The following ANXA4 variants were observed in gnomAD, a reference collection of about 807,000 sequenced individuals.
ANXA4 encodes the protein 35-beta calcimedin.
ANXA4 carries 39 observed loss-of-function variants against 49.8 expected under a neutral mutation model. The ratio of observed to expected loss-of-function variants is 0.78; its 90% CI spans 0.61 to 1.02. The LOEUF is 1.02. Among genes scored for constraint, ANXA4 ranks in the 50% least tolerant of loss-of-function variants. ANXA4 has a pLI of 0.00. For synonymous variants in ANXA4, 134 were observed against 152.5 expected (o/e 0.88, Z 0.89); for missense variants, 360 against 410.1 (o/e 0.88, Z 1.05).
chr2:69,721,762 G>A (rs890212157), intron 3 of ANXA4, among the ~76,000 whole-genome samples: 1 of 151,982 alleles, frequency 6.6e-6, no homozygotes, highest in South Asian at 2.1e-4. Flanking sequence ...TAGACAATAA[G>A]GACAAATCAA....
intron 1 of ANXA4, among the ~76,000 whole-genome samples, chr2:69,760,659 T>C (rs911756657): frequency 1.3e-5 from 2 of 152,216 alleles, no homozygotes; most frequent in African/African-American, 4.8e-5. Flanking sequence ...GTGCATATTA[T>C]GTTTTTCTTT....
At position 69,709,855 on chromosome 2, in the gene ANXA4, C is replaced by A. The variant is rs188622061; in HGVS notation, n.767-10919C>A. On this transcript the variant is annotated intron_variant and non_coding_transcript_variant, in intron 2 of 3. Transcript: ENST00000418066. ...TTCAACCATTTAATTATTTATGACACTTTCCCCCTTTTTAACTAAAGCATG... is the reference window on the plus strand; with the variant it reads ...TTCAACCATTTAATTATTTATGACAATTTCCCCCTTTTTAACTAAAGCATG... Among the ~76,000 whole-genome samples the A allele has an allele frequency of 7.2e-5, 11 of 152,316 alleles. No homozygotes were observed. In the East Asian group the frequency reaches 2.1e-3, roughly 29 times the overall value.
chr2:69,821,375 C>T (rs903105252), intron 12 of ANXA4, among the ~76,000 whole-genome samples: 2 of 152,198 alleles, frequency 1.3e-5, no homozygotes, highest in African/African-American at 4.8e-5. Context: ...CTAAGGTTGC[C>T]TGCACTGCAA....
intron 11 of ANXA4, among the ~76,000 whole-genome samples, chr2:69,819,800 G>T (rs1205272077): frequency 1.3e-5 from 2 of 152,122 alleles, no homozygotes; most frequent in African/African-American, 4.8e-5. Context: ...AGGTGCGGTG[G>T]CTCACGCCTG....
intron 2 of ANXA4, among the ~76,000 whole-genome samples, chr2:69,782,334 T>A (rs964657884): frequency 1.3e-5 from 2 of 152,178 alleles, no homozygotes; most frequent in African/African-American, 4.8e-5. Flanking sequence ...TAAAGTAAAC[T>A]ATCCTGAACA....
chr2:69,777,305 C>T (rs559694290), intron 1 of ANXA4, among the ~76,000 whole-genome samples: 181 of 152,268 alleles, frequency 1.2e-3, no homozygotes, highest in African/African-American at 4.0e-3. Context: ...ATCTCCAGCC[C>T]TTCTCTCCTC....
At chr2:69,712,706 C>G (rs1192869903) in intron 2 of ANXA4, among the ~76,000 whole-genome samples, 1 of 152,170 alleles carries the variant, frequency 6.6e-6, no homozygotes, top group Non-Finnish European at 1.5e-5. Context: ...TACCCACTCC[C>G]TCGTAAAGAA....
intron 1 of ANXA4, among the ~76,000 whole-genome samples, chr2:69,747,821 G>T (rs72903064): frequency 0.05 from 7,597 of 151,990 alleles, 634 homozygotes; most frequent in African/African-American, 0.17. Flanking sequence ...GAGTAGCTGG[G>T]ACTACAGGCA....
chr2:69,646,112 C>T (rs949208407), intron 1 of ANXA4, among the ~76,000 whole-genome samples: 11 of 152,272 alleles, frequency 7.2e-5, no homozygotes, highest in African/African-American at 2.6e-4. Context: ...CAGGAAACCT[C>T]TTGCCACTTC....
At chr2:69,792,639 A>G (rs1188937900) in intron 3 of ANXA4, among the ~76,000 whole-genome samples, 1 of 151,962 alleles carries the variant, frequency 6.6e-6, no homozygotes, top group East Asian at 1.9e-4. Context: ...TAAACCTTCT[A>G]CTTTAAGACA....
chr2:69,751,705 AG>A (rs1305430366), intron 1 of ANXA4, among the ~76,000 whole-genome samples: 1 of 152,076 alleles, frequency 6.6e-6, no homozygotes, highest in Non-Finnish European at 1.5e-5. Context: ...TGGAGAGCAG[AG>A]GCTGAATCAG....
At chr2:69,768,387 C>T (rs1209797692) in intron 1 of ANXA4, among the ~76,000 whole-genome samples, 1 of 152,056 alleles carries the variant, frequency 6.6e-6, no homozygotes, top group Non-Finnish European at 1.5e-5. Flanking sequence ...GAGCGCAGGG[C>T]CAGAGAGAGG....
At chr2:69,750,359 A>G (rs1670788465) in intron 1 of ANXA4, among the ~76,000 whole-genome samples, 1 of 152,180 alleles carries the variant, frequency 6.6e-6, no homozygotes, top group Non-Finnish European at 1.5e-5. Flanking sequence ...TGGTTCCAAA[A>G]GAATGTAAAG....
intron 9 of ANXA4, 187 bp from the exon 10 acceptor site, chr2:69,818,412 C>T (rs979265138): frequency 2.6e-6 from 1 of 382,422 alleles, no homozygotes; most frequent in Non-Finnish European, 4.8e-6. Flanking sequence ...ATTTCTTCCT[C>T]CTTATCTGGG....
intron 2 of ANXA4, among the ~76,000 whole-genome samples, chr2:69,670,438 C>CAAAAAAAAA (rs748196181): frequency 6.7e-5 from 3 of 44,774 alleles, no homozygotes; most frequent in African/African-American, 8.0e-5. Flanking sequence ...GACTCAATCT[C>CAAAAAAAAA]AAAAAAAAAA....
Position 69,816,064 on chromosome 2 carries a change from T to C in ANXA4, c.535-37T>C, listed in dbSNP as rs369662465. The C allele has an allele frequency of 9.6e-6, 15 of 1,559,874 alleles. No homozygotes were observed. The African/African-American group carries it at 1.8e-4, about 18-fold the overall frequency. Reference sequence around the variant, plus strand: ...ATTTGCCTGTGTCCTGGCACATCGTTTTTGGAATTTTAGACCTGTGCTTTG... The same window carrying C: ...ATTTGCCTGTGTCCTGGCACATCGTCTTTGGAATTTTAGACCTGTGCTTTG... On this transcript the variant is annotated intron_variant, in intron 8 of 12. Coordinates refer to ENST00000394295, the MANE Select transcript of ANXA4 (RefSeq NM_001153.5).
chr2:69,709,634 G>A (rs1678612892), intron 2 of ANXA4, among the ~76,000 whole-genome samples: 1 of 152,144 alleles, frequency 6.6e-6, no homozygotes, highest in African/African-American at 2.4e-5. Flanking sequence ...AAATCTACAT[G>A]GCAACCTCGC....
chr2:69,815,450 G>A (rs937421559), intron 8 of ANXA4: 6 of 152,192 alleles, frequency 3.9e-5, no homozygotes, highest in African/African-American at 1.4e-4. Context: ...CAGGCAAGCT[G>A]CTTATTAAAA....
At chr2:69,802,092 G>A (rs1573288172) in intron 3 of ANXA4, among the ~76,000 whole-genome samples, 2 of 152,220 alleles carry the variant, frequency 1.3e-5, no homozygotes, top group East Asian at 3.8e-4. Context: ...ATGGGATACT[G>A]TAGAGAGTCT....
Sources: allele counts gnomAD v4.1 joint callset (sites outside exome capture counted in the v4.1 genomes callset), GRCh38; gene constraint gnomAD v4.1.1; transcripts MANE v1.5; gene names NCBI Gene and HGNC (gene_info 2026-07-23, HGNC 2026-07-21).